The following ADNP2 variants were observed in gnomAD, a reference collection of about 807,000 sequenced individuals.
The protein encoded by ADNP2 is ADNP homeobox 2, also known as activity-dependent neuroprotector homeobox protein 2.
Under a neutral mutation model 16.4 loss-of-function variants are expected in ADNP2, and 8 were observed. The ratio of observed to expected loss-of-function variants is 0.49; its 90% confidence interval spans 0.29 to 0.88. The LOEUF (loss-of-function observed/expected upper bound fraction) is 0.88, where lower values mean the gene tolerates loss of function less well. Ranked by LOEUF, ADNP2 falls within the 40% of genes least tolerant of loss-of-function variation. ADNP2 has a pLI of 0.09. For synonymous variants in ADNP2, 637 were observed against 545.8 expected (o/e 1.17, Z -2.33); for missense variants, 1,397 against 1,395.1 (o/e 1.00, Z -0.02).
At position 80,137,674 on chromosome 18, in the gene ADNP2, G is replaced by T; in HGVS notation, c.2261G>T (p.Cys754Phe). Residue 754 changes from cysteine to phenylalanine, a missense_variant, in exon 4 of 4, where the codon TGC (cysteine) becomes TTC (phenylalanine). Physicochemically the swap from Cys to Phe is radical, Grantham distance 205. This residue lies in a region of ADNP2 where 611 missense variants were observed against 648.7 expected (regional missense o/e 0.94). Coordinates refer to ENST00000262198, the MANE Select transcript of ADNP2 (RefSeq NM_014913.4). This position sits in a 1 kb window ranked among gnomAD's most constrained non-coding sequence, Gnocchi z 4.2. ...EKTVRCLSCK[C>F]LVSEEELIHH... is the part of the protein sequence containing the mutation. ...ACGGTGCGATGTCTGTCTTGTAAGTGCTTGGTCTCTGAGGAAGAGCTTATA... is the reference window on the plus strand; with the variant it reads ...ACGGTGCGATGTCTGTCTTGTAAGTTCTTGGTCTCTGAGGAAGAGCTTATA... 1 of 1,614,214 alleles carries T rather than the reference G, an allele frequency of 6.2e-7. No individual in the cohort carries two copies. Among genetic ancestry groups the T allele is most frequent in the Non-Finnish European group, 8.5e-7 (1 of 1,180,026 alleles).
chr18:80,116,460 A>T (rs1278677262), intron 1 of ADNP2, among the ~76,000 whole-genome samples: 1 of 152,160 alleles, frequency 6.6e-6, no homozygotes, highest in Non-Finnish European at 1.5e-5. Flanking sequence ...TTTCAGGCAC[A>T]CATGAAGACT....
In ADNP2 at chr18:80,137,770, C is replaced by G; in HGVS notation, c.2357C>G (p.Ser786Ter). 6.2e-7 allele frequency: 1 copy of G among 1,614,212 alleles called. No homozygotes were observed. Among genetic ancestry groups the G allele is most frequent in the Non-Finnish European group, 8.5e-7 (1 of 1,180,036 alleles). ...ACCTTCCATGATATCAAAGGTCTTT[C>G]AGAGCACAGCAGGAATAGGCACCTG... Reference protein sequence around the residue: ...PCTFHDIKGLSEHSRNRHLGK... With the variant: ...PCTFHDIKGL The change falls in exon 4 of 4, where the codon TCA becomes TGA. Residue 786 changes from serine to a stop codon, truncating the protein, a stop_gained. Coordinates refer to ENST00000262198, the MANE Select transcript of ADNP2 (RefSeq NM_014913.4). LOFTEE classifies it low-confidence loss of function (END_TRUNC). The surrounding 1 kb of genome is among the most constrained non-coding windows in gnomAD (Gnocchi z 4.2).
At chr18:80,129,774 G>C (rs2052484366) in intron 2 of ADNP2, among the ~76,000 whole-genome samples, 1 of 152,182 alleles carries the variant, frequency 6.6e-6, no homozygotes, top group Admixed American at 6.5e-5. Context: ...TGTTCTTTCT[G>C]TGGACTGGAA....
In ADNP2 at chr18:80,139,952, C is replaced by T. The variant is rs1385968457; in HGVS notation, c.*1143C>T. 6.6e-6 allele frequency: 1 copy of T among 152,154 alleles called. No individual in the cohort carries two copies. The highest frequency in any genetic ancestry group is 2.4e-5 in the African/African-American group (1 of 41,436). 9.4% of individuals were successfully genotyped at this position (152,154 alleles called of 1,614,324 possible). A position where few individuals can be genotyped will look rare whatever the true frequency, so the allele number is the denominator to read the frequency against. ...CATATTGTTAAAGAATCTCCATTGT[C>T]GTCACTGTCCTGTGGATGTTAAACC... On this transcript the variant is annotated 3_prime_UTR_variant, in exon 4 of 4. Coordinates refer to ENST00000262198, the MANE Select transcript of ADNP2 (RefSeq NM_014913.4).
At chr18:80,132,664 T>TCTG (rs2052505085) in intron 2 of ADNP2, among the ~76,000 whole-genome samples, 1 of 113,908 alleles carries the variant, frequency 8.8e-6, no homozygotes, top group African/African-American at 4.4e-5. Flanking sequence ...CTCTCTCCTC[T>TCTG]CTCCCCTCTT....
chr18:80,129,101 T>G (rs1010083546), intron 2 of ADNP2, among the ~76,000 whole-genome samples: 2 of 87,774 alleles, frequency 2.3e-5, no homozygotes, highest in African/African-American at 8.6e-5. Context: ...AGAACTTTTT[T>G]TTTGTTTTTT....
chr18:80,129,105 GT>G (rs753934297), intron 2 of ADNP2, among the ~76,000 whole-genome samples: 324 of 81,428 alleles, frequency 4.0e-3, no homozygotes, highest in African/African-American at 0.011. Flanking sequence ...CTTTTTTTTT[GT>G]TTTTTTTTTT....
At chr18:80,120,047 C>G (rs2052414491) in intron 2 of ADNP2, among the ~76,000 whole-genome samples, 1 of 152,162 alleles carries the variant, frequency 6.6e-6, no homozygotes. Context: ...GGGAGGAAGG[C>G]TGAGGCCAAG....
Position 80,138,471 on chromosome 18 carries a change from CAAAG to C in ADNP2, c.3059_3062del (p.Gln1020ArgfsTer19). 1 of 1,614,074 alleles carries C rather than the reference CAAAG, an allele frequency of 6.2e-7. No homozygotes were observed. The highest frequency in any genetic ancestry group is 8.5e-7 in the Non-Finnish European group (1 of 1,180,026). ...GACGAGTGTTGTGCCTTTTAAAAGA[CAAAG>C]GAATGAAAGCAGAACAGAGGGACCT... is the stretch of plus-strand genomic sequence containing the variant. On this transcript the variant is annotated frameshift_variant, in exon 4 of 4. Coordinates refer to ENST00000262198, the MANE Select transcript of ADNP2 (RefSeq NM_014913.4). LOFTEE classifies it high-confidence loss of function.
At chr18:80,113,449 T>C (rs1175303589) in intron 1 of ADNP2, among the ~76,000 whole-genome samples, 2 of 152,204 alleles carry the variant, frequency 1.3e-5, no homozygotes, top group African/African-American at 4.8e-5. Flanking sequence ...TCCACCTTTT[T>C]GGTTTTACTT....
chr18:80,119,468 A>T (rs2052410651), intron 2 of ADNP2, among the ~76,000 whole-genome samples: 1 of 151,940 alleles, frequency 6.6e-6, no homozygotes, highest in Non-Finnish European at 1.5e-5. Flanking sequence ...CTGTAGAGAG[A>T]AAGAACCAAG....
chr18:80,121,163 CCCTT>C (rs2052422464), intron 2 of ADNP2, among the ~76,000 whole-genome samples: 1 of 152,124 alleles, frequency 6.6e-6, no homozygotes, highest in African/African-American at 2.4e-5. Context: ...TTCCTCCCTT[CCCTT>C]CCTTTCTCCC....
rs998518727 is a variant in ADNP2, at chr18:80,109,405, T to TC, written c.-80dup. On this transcript the variant is annotated 5_prime_UTR_variant, in exon 1 of 4. Coordinates refer to ENST00000262198, the MANE Select transcript of ADNP2 (RefSeq NM_014913.4). ...GCGGCCCCACGGGACGCGGCTGCGC[T>TC]CGGCGGAAGACGCGGCAGCCCTGCG... The TC allele has an allele frequency of 1.3e-5, 2 of 148,208 alleles. No individual in the cohort carries two copies. Among genetic ancestry groups the TC allele is most frequent in the African/African-American group, 4.9e-5 (2 of 40,964 alleles). 9.2% of individuals were successfully genotyped at this position (148,208 alleles called of 1,614,324 possible).
At chr18:80,118,651 C>T (rs1437411547) in intron 2 of ADNP2, among the ~76,000 whole-genome samples, 2 of 152,110 alleles carry the variant, frequency 1.3e-5, no homozygotes, top group Non-Finnish European at 2.9e-5. Flanking sequence ...AGTAACATGT[C>T]AGTAACAACA....
Position 80,136,333 on chromosome 18 carries a change from A to C in ADNP2, c.920A>C (p.Gln307Pro), listed in dbSNP as rs758073278. ...PQNSPSPAAG[Q>P]PVTVAQGAPG... ...AACAGTCCAAGCCCAGCCGCAGGAC[A>C]GCCAGTGACTGTGGCCCAGGGTGCC... Residue 307 changes from glutamine to proline, a missense_variant, in exon 4 of 4, where the codon CAG (glutamine) becomes CCG (proline). Gln to Pro is a moderately conservative substitution (Grantham distance 76). Coordinates refer to ENST00000262198, the MANE Select transcript of ADNP2 (RefSeq NM_014913.4). 1.9e-6 allele frequency: 3 copies of C among 1,614,172 alleles called. No individual in the cohort carries two copies. The highest frequency in any genetic ancestry group is 2.5e-6 in the Non-Finnish European group (3 of 1,179,998).
intron 2 of ADNP2, among the ~76,000 whole-genome samples, chr18:80,126,549 T>C (rs150951586): frequency 3.9e-5 from 6 of 152,334 alleles, no homozygotes; most frequent in Non-Finnish European, 7.3e-5. Flanking sequence ...GCTATTTTTT[T>C]CCCCTTTTTA....
intron 2 of ADNP2, among the ~76,000 whole-genome samples, chr18:80,118,647 A>G (rs2052404336): frequency 6.6e-6 from 1 of 152,170 alleles, no homozygotes; most frequent in South Asian, 2.1e-4. Context: ...TTTAAGTAAC[A>G]TGTCAGTAAC....
In ADNP2 at chr18:80,138,900, A is replaced by G; in HGVS notation, c.*91A>G. ...CAGTGTTGTCCTCACTGTGTTGGTG[A>G]ATCAACCTCAGTGGTCACTGTGCTG... On this transcript the variant is annotated 3_prime_UTR_variant, in exon 4 of 4. Transcript: ENST00000262198. 8.3e-7 allele frequency: 1 copy of G among 1,211,808 alleles called. No individual in the cohort carries two copies. The highest frequency in any genetic ancestry group is 1.1e-6 in the Non-Finnish European group (1 of 902,836). The allele number at this position is 1,211,808 out of a possible 1,614,324, so 75.1% of individuals were successfully genotyped here. A position where few individuals can be genotyped will look rare whatever the true frequency, so the allele number is the denominator to read the frequency against.
intron 1 of ADNP2, among the ~76,000 whole-genome samples, chr18:80,115,608 T>G (rs764966969): frequency 5.9e-5 from 9 of 152,238 alleles, no homozygotes; most frequent in Non-Finnish European, 1.3e-4. Context: ...GATATTGTTT[T>G]AAACAGCTTG....
Sources: allele counts gnomAD v4.1 joint callset (sites outside exome capture counted in the v4.1 genomes callset), GRCh38; gene constraint gnomAD v4.1.1; regional missense constraint gnomAD v4.1.1; non-coding constraint Gnocchi (gnomAD v3.1); transcripts MANE v1.5; gene names NCBI Gene and HGNC (gene_info 2026-07-23, HGNC 2026-07-21).